LPP: variants seen among roughly 807,000 people sequenced by gnomAD.
LPP encodes the protein lipoma-preferred partner.
In LPP, 38 loss-of-function variants were observed where a neutral mutation model predicts 60.4. The ratio of observed to expected loss-of-function variants is 0.63; its 90% confidence interval spans 0.49 to 0.83. The LOEUF is 0.83. LPP is among the 40% of genes least tolerant of loss of function. The pLI is 0.00. For missense variants in LPP, 902 were observed against 783.6 expected (o/e 1.15, Z -1.80); for synonymous variants, 328 against 290.8 (o/e 1.13, Z -1.30).
chr3:188,748,449 G>A (rs917997774), intron 8 of LPP, among the ~76,000 whole-genome samples: 4 of 151,980 alleles, frequency 2.6e-5, no homozygotes, highest in Non-Finnish European at 2.9e-5. Context: ...TCTATCCACA[G>A]ATTTACCACT....
rs990507487 is a variant in LPP at position 188,886,983 on chromosome 3, G to C, written c.*12504G>C. 1 of 231,352 alleles carries C rather than the reference G, an allele frequency of 4.3e-6. No individual in the cohort carries two copies. The highest frequency in any genetic ancestry group is 8.6e-6 in the Non-Finnish European group (1 of 116,914). 14.3% of individuals were successfully genotyped at this position (231,352 alleles called of 1,614,324 possible). On this transcript the variant is annotated 3_prime_UTR_variant, in exon 12 of 12. Coordinates refer to ENST00000617246, the MANE Select transcript of LPP (RefSeq NM_001375462.1). ...GGAAACAGGTATTTATCTCTCATGC[G>C]TGATTCTCTCTTTATATTTCTATCT...
chr3:188,232,401 A>G (rs1305551337), intron 2 of LPP, among the ~76,000 whole-genome samples: 1 of 151,546 alleles, frequency 6.6e-6, no homozygotes, highest in Non-Finnish European at 1.5e-5. Context: ...ATGGAGTGCA[A>G]TGGTACAGCT....
At chr3:188,728,658 C>T (rs547513631) in intron 8 of LPP, among the ~76,000 whole-genome samples, 1 of 152,024 alleles carries the variant, frequency 6.6e-6, no homozygotes, top group African/African-American at 2.4e-5. Context: ...AATTTCTGTT[C>T]CTTTGATAAC....
At chr3:188,679,078 G>T (rs1011970482) in intron 7 of LPP, among the ~76,000 whole-genome samples, 2 of 152,176 alleles carry the variant, frequency 1.3e-5, no homozygotes, top group African/African-American at 4.8e-5. Context: ...AGGAGTCCCT[G>T]CCTAAGGAAG....
intron 7 of LPP, among the ~76,000 whole-genome samples, chr3:188,684,865 G>C (rs1007615907): frequency 5.3e-5 from 8 of 152,090 alleles, no homozygotes; most frequent in Admixed American, 3.9e-4. Context: ...TATTCAATTG[G>C]CAGAATTAAT....
intron 4 of LPP, among the ~76,000 whole-genome samples, chr3:188,411,963 CTCTT>C (rs1784987195): frequency 1.2e-5 from 1 of 80,310 alleles, no homozygotes; most frequent in Admixed American, 1.7e-4. Flanking sequence ...CTCTCTCTCT[CTCTT>C]TCTCTGTCTC....
rs1346981460 is a variant in LPP at position 188,495,033 on chromosome 3, C to T, written c.306+10329C>T. ...TGCCTCCTCAGAGTTAACCCGTGAT[C>T]CCATCCCTTGCTATTATAAGGTTCA... On this transcript the variant is annotated intron_variant, in intron 5 of 11. Transcript: ENST00000617246. Among the ~76,000 whole-genome samples, 84 of 91,962 alleles carry T rather than the reference C, an allele frequency of 9.1e-4. 1 individual carries two copies. Among genetic ancestry groups the T allele is most frequent in the African/African-American group, 2.7e-3 (79 of 28,872 alleles). The allele number at this position is 91,962 out of a possible 152,430, so 60.3% of individuals were successfully genotyped here.
intron 3 of LPP, among the ~76,000 whole-genome samples, chr3:188,349,273 A>G (rs1313289124): frequency 6.6e-6 from 1 of 152,202 alleles, no homozygotes; most frequent in African/African-American, 2.4e-5. Flanking sequence ...GAGGGTGACT[A>G]TTGTGAAATA....
At chr3:188,344,789 C>T (rs1295959239) in intron 3 of LPP, among the ~76,000 whole-genome samples, 1 of 152,170 alleles carries the variant, frequency 6.6e-6, no homozygotes, top group Non-Finnish European at 1.5e-5. Flanking sequence ...TAGTCCCTTA[C>T]CCCAGCAACT....
In LPP at chr3:188,874,497, G is replaced by A; in HGVS notation, c.*18G>A. 6.2e-7 allele frequency: 1 copy of A among 1,611,326 alleles called. No homozygotes were observed. The highest frequency in any genetic ancestry group is 8.5e-7 in the Non-Finnish European group (1 of 1,177,912). On this transcript the variant is annotated 3_prime_UTR_variant, in exon 12 of 12. Transcript: ENST00000617246. ...ACCTTTAGATTCAGTCACCTGTTCA[G>A]CCGGCACTGAGAAGAACGAACACAA... is the stretch of plus-strand genomic sequence containing the variant.
At chr3:188,662,337 A>G (rs1223287893) in intron 7 of LPP, among the ~76,000 whole-genome samples, 1 of 152,184 alleles carries the variant, frequency 6.6e-6, no homozygotes, top group African/African-American at 2.4e-5. Context: ...ACTGGCACAA[A>G]CAGTTATTAA....
intron 8 of LPP, among the ~76,000 whole-genome samples, chr3:188,739,309 G>A (rs1723605722): frequency 6.6e-6 from 1 of 152,004 alleles, no homozygotes; most frequent in Non-Finnish European, 1.5e-5. Flanking sequence ...GAAACAAGAA[G>A]GAAAGGACTG....
chr3:188,517,079 A>G (rs1817580428), intron 5 of LPP, among the ~76,000 whole-genome samples: 1 of 152,248 alleles, frequency 6.6e-6, no homozygotes, highest in Non-Finnish European at 1.5e-5. Context: ...CAAAGTAACA[A>G]TTAAATAGCT....
chr3:188,299,999 G>T (rs1422266800), intron 2 of LPP, among the ~76,000 whole-genome samples: 1 of 152,116 alleles, frequency 6.6e-6, no homozygotes, highest in Non-Finnish European at 1.5e-5. Flanking sequence ...CTCAACAAAG[G>T]GACTTTTATC....
chr3:188,214,762 G>A (rs237661), intron 1 of LPP, among the ~76,000 whole-genome samples: 1,885 of 152,184 alleles, frequency 0.012, 33 homozygotes, highest in African/African-American at 0.044. Flanking sequence ...AGCCTGGGGT[G>A]TTTTTCTGTG....
At chr3:188,353,747 T>C (rs1392246803) in intron 3 of LPP, among the ~76,000 whole-genome samples, 1 of 152,228 alleles carries the variant, frequency 6.6e-6, no homozygotes, top group Admixed American at 6.5e-5. Context: ...GCTGTTATGC[T>C]TTGGGTAACA....
intron 6 of LPP, among the ~76,000 whole-genome samples, chr3:188,608,952 C>T (rs1843041910): frequency 1.3e-5 from 2 of 151,876 alleles, no homozygotes; most frequent in South Asian, 4.1e-4. Flanking sequence ...CTTTCCTTTT[C>T]TGCTATTCGT....
chr3:188,752,891 C>T (rs1728545712), intron 8 of LPP, among the ~76,000 whole-genome samples: 1 of 152,188 alleles, frequency 6.6e-6, no homozygotes, highest in South Asian at 2.1e-4. Flanking sequence ...CAGTGGAGGA[C>T]CATCACCTGT....
At chr3:188,863,900 AAAACATTTTCTGGCC>A in intron 9 of LPP, among the ~76,000 whole-genome samples, 1 of 152,112 alleles carries the variant, frequency 6.6e-6, no homozygotes, top group East Asian at 1.9e-4. Context: ...AGTGCAAACA[AAAACATTTTCTGGCC>A]AAACATTTTC....
Sources: gnomAD v4.1 joint callset for allele counts (sites outside exome capture counted in the v4.1 genomes callset) on GRCh38, gnomAD v4.1.1 for gene constraint, MANE v1.5 for transcripts, NCBI Gene and HGNC (gene_info 2026-07-23, HGNC 2026-07-21) for gene names.